Variants in DACH1 observed in about 807,000 individuals in gnomAD.
DACH1 encodes dachshund homolog 1.
DACH1 carries 12 observed loss-of-function variants against 54.2 expected under a neutral mutation model. The observed-to-expected ratio is 0.22, with a 90% CI of 0.14 to 0.36. The LOEUF (loss-of-function observed/expected upper bound fraction) is 0.36, where lower values mean the gene tolerates loss of function less well. Ranked by LOEUF, DACH1 falls within the 10% of genes least tolerant of loss-of-function variation. The pLI, the probability that DACH1 is intolerant of heterozygous loss-of-function variation, is 1.00. For synonymous variants in DACH1, 386 were observed against 366.2 expected, an observed-to-expected ratio of 1.05 and a Z score of -0.62; for missense variants, 805 against 929.8, an observed-to-expected ratio of 0.87 and a Z score of 1.75.
intron 3 of DACH1, among the ~76,000 whole-genome samples, chr13:71,579,619 G>C (rs566904893): frequency 1.2e-4 from 18 of 151,998 alleles, no homozygotes; most frequent in Non-Finnish European, 2.1e-4. Flanking sequence ...ATTTTAAATA[G>C]CTTTCATTTT....
chr13:71,524,261 C>A (rs942357049), intron 6 of DACH1, among the ~76,000 whole-genome samples: 1 of 152,016 alleles, frequency 6.6e-6, no homozygotes, highest in Non-Finnish European at 1.5e-5. Context: ...ATCTGTATGG[C>A]AAATAATGTC....
At chr13:71,450,702 T>A (rs2138115358) in intron 10 of DACH1, among the ~76,000 whole-genome samples, 1 of 152,028 alleles carries the variant, frequency 6.6e-6, no homozygotes, top group South Asian at 2.1e-4. Context: ...AAACAAAAGT[T>A]CTTGAAGGAA....
At chr13:71,516,719 C>T (rs114620634) in intron 6 of DACH1, among the ~76,000 whole-genome samples, 1,712 of 151,874 alleles carry the variant, frequency 0.011, 28 homozygotes, top group African/African-American at 0.039. Flanking sequence ...CCCATCAAAA[C>T]GCACAGACGT....
At chr13:71,477,655 T>C (rs1877694383) in intron 8 of DACH1, among the ~76,000 whole-genome samples, 1 of 152,176 alleles carries the variant, frequency 6.6e-6, no homozygotes, top group Non-Finnish European at 1.5e-5. Flanking sequence ...TGATTATTTA[T>C]GAGTCTCTTT....
chr13:71,848,599 G>C (rs1396523273), intron 1 of DACH1, among the ~76,000 whole-genome samples: 2 of 151,854 alleles, frequency 1.3e-5, no homozygotes, highest in African/African-American at 4.8e-5. Context: ...CTGTAGTGCA[G>C]TGGCATTATC....
At chr13:71,666,720 G>A (rs1037454126) in intron 2 of DACH1, among the ~76,000 whole-genome samples, 6 of 152,162 alleles carry the variant, frequency 3.9e-5, no homozygotes, top group African/African-American at 9.7e-5. Context: ...AGTGGCTCAC[G>A]CCTGTAATCC....
chr13:71,732,990 A>G (rs1042765633), intron 1 of DACH1, among the ~76,000 whole-genome samples: 2 of 151,996 alleles, frequency 1.3e-5, no homozygotes. Context: ...ACTTACTCAT[A>G]TCATTTTCTC....
At chr13:71,588,787 T>C (rs1399161826) in intron 3 of DACH1, among the ~76,000 whole-genome samples, 2 of 151,994 alleles carry the variant, frequency 1.3e-5, no homozygotes, top group Admixed American at 1.3e-4. Context: ...AATTTTACTG[T>C]GTGAAGATAA....
intron 6 of DACH1, among the ~76,000 whole-genome samples, chr13:71,556,646 AAAG>A (rs1296919938): frequency 2.0e-5 from 3 of 152,142 alleles, no homozygotes; most frequent in Non-Finnish European, 2.9e-5. Context: ...TTTTAATTCA[AAAG>A]AAGACAGAAT....
chr13:71,480,870 C>T (rs1234794626), intron 7 of DACH1, among the ~76,000 whole-genome samples: 1 of 152,140 alleles, frequency 6.6e-6, no homozygotes, highest in African/African-American at 2.4e-5. Context: ...ATTTGCTATA[C>T]CTGACCCTGA....
chr13:71,464,732 A>G (rs537005975), intron 10 of DACH1: 2 of 454,754 alleles, frequency 4.4e-6, no homozygotes, highest in Non-Finnish European at 8.8e-6. Context: ...ATAATCTTGC[A>G]GCTAAGAACT....
intron 3 of DACH1, among the ~76,000 whole-genome samples, chr13:71,603,752 G>T (rs1233202104): frequency 6.6e-6 from 1 of 151,840 alleles, no homozygotes; most frequent in Admixed American, 6.6e-5. Flanking sequence ...AAGAAAAATA[G>T]ATATATATGT....
chr13:71,681,137 T>A (rs1880874351), intron 2 of DACH1, among the ~76,000 whole-genome samples: 1 of 152,148 alleles, frequency 6.6e-6, no homozygotes, highest in African/African-American at 2.4e-5. Context: ...GGCAAACATA[T>A]GTTTATGTAA....
chr13:71,538,438 G>A (rs76976059), intron 6 of DACH1, among the ~76,000 whole-genome samples: 11 of 151,704 alleles, frequency 7.3e-5, no homozygotes, highest in African/African-American at 1.5e-4. Flanking sequence ...AGAAGCAAGC[G>A]TGGCAAAAGA....
chr13:71,547,264 C>T (rs1883521685), intron 6 of DACH1, among the ~76,000 whole-genome samples: 1 of 152,052 alleles, frequency 6.6e-6, no homozygotes. Context: ...AAAATGTTTT[C>T]CACAGCCCAA....
chr13:71,748,878 CTTTCTT>C (rs1329686800), intron 1 of DACH1, among the ~76,000 whole-genome samples: 2 of 19,540 alleles, frequency 1.0e-4, no homozygotes, highest in African/African-American at 1.6e-4. Flanking sequence ...TTCTTTCTTT[CTTTCTT>C]TCTTTCTTTC....
chr13:71,864,748 G>T (rs1279186148), intron 1 of DACH1, among the ~76,000 whole-genome samples: 1 of 112,924 alleles, frequency 8.9e-6, no homozygotes, highest in Non-Finnish European at 1.9e-5. Flanking sequence ...CCCCACTCCC[G>T]CCCCCTCTTG....
At chr13:71,676,342 C>G (rs1423461990) in intron 2 of DACH1, among the ~76,000 whole-genome samples, 1 of 152,062 alleles carries the variant, frequency 6.6e-6, no homozygotes, top group Non-Finnish European at 1.5e-5. Flanking sequence ...CTCAGCCTCC[C>G]GAGTAGCTGG....
At chr13:71,605,325 G>A (rs1874792955) in intron 3 of DACH1, among the ~76,000 whole-genome samples, 1 of 151,660 alleles carries the variant, frequency 6.6e-6, no homozygotes, top group Non-Finnish European at 1.5e-5. Context: ...TACAACTAAT[G>A]TATTGTAATA....
Sources: gnomAD v4.1 joint callset for allele counts (sites outside exome capture counted in the v4.1 genomes callset) on GRCh38, gnomAD v4.1.1 for gene constraint, MANE v1.5 for transcripts, NCBI Gene and HGNC (gene_info 2026-07-23, HGNC 2026-07-21) for gene names.